Variants in NCOA5 observed in about 807,000 individuals in gnomAD.
NCOA5 encodes nuclear receptor coactivator 5, also known as NCoA-5.
NCOA5 carries 12 observed loss-of-function variants against 59.0 expected under a neutral mutation model. That is an observed-to-expected ratio of 0.20 (90% CI 0.13 to 0.33). The LOEUF (loss-of-function observed/expected upper bound fraction) is 0.33, where lower values mean the gene tolerates loss of function less well. NCOA5 is among the 10% of genes least tolerant of loss of function. The pLI is 1.00. For missense variants in NCOA5, 655 were observed against 766.6 expected, an observed-to-expected ratio of 0.85 and a Z score of 1.72; for synonymous variants, 270 against 275.5, an observed-to-expected ratio of 0.98 and a Z score of 0.20.
At chr20:46,062,964 A>G (rs1180114898) in intron 7 of NCOA5, 75 bp from the exon 8 acceptor site, 1 of 1,224,696 alleles carries the variant, frequency 8.2e-7, no homozygotes, top group African/African-American at 1.5e-5. Flanking sequence ...CAAAGGAAGA[A>G]CAACAATCAC....
At position 46,061,065 on chromosome 20, in the gene NCOA5, C is replaced by A. The variant is rs1377658229; in HGVS notation, c.*1235G>T. 6.6e-6 allele frequency: 1 copy of A among 151,708 alleles called. No homozygotes were observed. The highest frequency in any genetic ancestry group is 2.4e-5 in the African/African-American group (1 of 41,264). The allele number at this position is 151,708 out of a possible 1,614,324, so 9.4% of individuals were successfully genotyped here. On this transcript the variant is annotated 3_prime_UTR_variant, in exon 8 of 8. Coordinates refer to ENST00000290231, the MANE Select transcript of NCOA5 (RefSeq NM_020967.3). ...AGAGTTCCAAAGAGGAAAAAAAAAA[C>A]CACTATATAACACAAACAGGTCAGA...
intron 2 of NCOA5, among the ~76,000 whole-genome samples, chr20:46,077,086 T>C (rs1270807304): frequency 6.6e-6 from 1 of 152,090 alleles, no homozygotes; most frequent in African/African-American, 2.4e-5. Flanking sequence ...CCCGGCTATT[T>C]TTTTGTAGAG....
intron 3 of NCOA5, among the ~76,000 whole-genome samples, chr20:46,068,900 C>T (rs1251183190): frequency 6.6e-6 from 1 of 152,114 alleles, no homozygotes; most frequent in Non-Finnish European, 1.5e-5. Flanking sequence ...CATGTCCCTC[C>T]CTTGTGCTTT....
At position 46,062,744 on chromosome 20, in the gene NCOA5, C is replaced by A; in HGVS notation, c.1296G>T (p.Gln432His). Residue 432 changes from glutamine (Q) to histidine (H), a missense_variant, in exon 8 of 8, where the codon CAG (glutamine) becomes CAT (histidine). Physicochemically the swap from Gln to His is conservative, Grantham distance 24. Around this residue, in one of 3 missense-constraint regions of NCOA5, gnomAD observed 325 missense variants for 353.2 expected, o/e 0.92. Transcript: ENST00000290231. ...TATTGAAGAGGCTGAGGATTTTGGC[C>A]TGAAGCTCTTGCTGGGAGGTGGGGG... ...SAPPTSQQEL[Q>H]AKILSLFNSG... 6.2e-7 allele frequency: 1 copy of A among 1,611,944 alleles called. No homozygotes were observed. The highest frequency in any genetic ancestry group is 8.5e-7 in the Non-Finnish European group (1 of 1,178,468).
chr20:46,083,246 A>T (rs1487397630), intron 1 of NCOA5, among the ~76,000 whole-genome samples: 1 of 152,190 alleles, frequency 6.6e-6, no homozygotes, highest in Non-Finnish European at 1.5e-5. Context: ...TCTTTTCCTG[A>T]CGTTCTGCGA....
chr20:46,088,747 T>C (rs2085068796), intron 1 of NCOA5, among the ~76,000 whole-genome samples: 1 of 152,214 alleles, frequency 6.6e-6, no homozygotes, highest in South Asian at 2.1e-4. Flanking sequence ...AGGGCATTCA[T>C]AGAATCTGCT....
chr20:46,078,724 G>A (rs1179258443), intron 2 of NCOA5, among the ~76,000 whole-genome samples: 1 of 152,070 alleles, frequency 6.6e-6, no homozygotes, highest in African/African-American at 2.4e-5. Context: ...TTCTTTGAGA[G>A]GAGGGACCAA....
chr20:46,065,578 C>G (rs866496697), intron 5 of NCOA5, among the ~76,000 whole-genome samples: 1 of 152,138 alleles, frequency 6.6e-6, no homozygotes, highest in Non-Finnish European at 1.5e-5. Flanking sequence ...ATGGGTTTAA[C>G]GCTAGAAACA....
At chr20:46,078,300 T>C (rs1462766025) in intron 2 of NCOA5, among the ~76,000 whole-genome samples, 1 of 152,254 alleles carries the variant, frequency 6.6e-6, no homozygotes, top group Admixed American at 6.5e-5. Context: ...CATTCTTTCA[T>C]ATAAGCAGGT....
chr20:46,070,382 G>C lies in NCOA5; in HGVS notation c.193C>G (p.His65Asp). ...CTGTGATCCCGCAAATCTCTACTAT[G>C]TCTGTGGTCCCGCAAGTCTCGGGGG... The part of the protein sequence containing the change: ...RDPRDLRDHR[H>D]SRDLRDHRDS... Residue 65 changes from histidine to aspartate, a missense_variant, in exon 3 of 8, where the codon CAT (histidine) becomes GAT (aspartate). This residue lies in a region of NCOA5 where 250 missense variants were observed against 260.1 expected (regional missense o/e 0.96). Coordinates refer to ENST00000290231, the MANE Select transcript of NCOA5 (RefSeq NM_020967.3). The C allele has an allele frequency of 6.2e-7, 1 of 1,613,308 alleles. No individual in the cohort carries two copies. The highest frequency in any genetic ancestry group is 2.2e-5 in the East Asian group (1 of 44,824).
intron 2 of NCOA5, among the ~76,000 whole-genome samples, chr20:46,078,909 T>C (rs2084965752): frequency 1.3e-5 from 2 of 152,204 alleles, no homozygotes; most frequent in African/African-American, 4.8e-5. Context: ...CCCAAGTATG[T>C]AAGCAAACAG....
intron 5 of NCOA5, among the ~76,000 whole-genome samples, chr20:46,066,784 C>G (rs2084828556): frequency 6.6e-6 from 1 of 152,212 alleles, no homozygotes; most frequent in Admixed American, 6.5e-5. Context: ...TGCTTAGAGA[C>G]TAACACAGAG....
In NCOA5 at chr20:46,063,557, T is replaced by C. The variant is rs773135131; in HGVS notation, c.953A>G (p.Asp318Gly). The C allele has an allele frequency of 5.0e-6, 8 of 1,614,104 alleles. No individual in the cohort carries two copies. Among genetic ancestry groups the C allele is most frequent in the African/African-American group, 1.3e-5 (1 of 74,942 alleles). Residue 318 changes from aspartate (D) to glycine (G), a missense_variant, in exon 7 of 8, where the codon GAT becomes GGT. Physicochemically the swap from Asp to Gly is moderately conservative, Grantham distance 94 (BLOSUM62 -1). Transcript: ENST00000290231. ...EIARQAAKMADEAILQERERG... is the reference protein window; with the variant it reads ...EIARQAAKMAGEAILQERERG... ...CTCTCTTTCCTGCAGGATGGCTTCA[T>C]CGGCCATCTTGGCTGCCTGTCTGGC...
Position 46,065,234 on chromosome 20 carries a change from AAAAT to A in NCOA5, c.630-10_630-7del, listed in dbSNP as rs746293216. ...CCACAGACTCAGCATAGTCTCTGTAAAAATAAATAAGATCCAGGTGAGCGACCAA... is the reference window on the plus strand; with the variant it reads ...CCACAGACTCAGCATAGTCTCTGTAAAAATAAGATCCAGGTGAGCGACCAA... On this transcript the variant is annotated splice_polypyrimidine_tract_variant and splice_region_variant and intron_variant, in intron 5 of 7. Transcript: ENST00000290231. 1.9e-6 allele frequency: 3 copies of A among 1,614,108 alleles called. No homozygotes were observed. The highest frequency in any genetic ancestry group is 2.5e-6 in the Non-Finnish European group (3 of 1,179,990).
chr20:46,061,985 T>C lies in NCOA5; in HGVS notation c.*315A>G, dbSNP rs1296716161. ...CATTCCAAACTTGGCTAGCTGGGCC[T>C]GGCTCCAAATCCAGTAGAAACAGGG... On this transcript the variant is annotated 3_prime_UTR_variant, in exon 8 of 8. Coordinates refer to ENST00000290231, the MANE Select transcript of NCOA5 (RefSeq NM_020967.3). 2 of 218,652 alleles carry C rather than the reference T, an allele frequency of 9.1e-6. No individual in the cohort carries two copies. The highest frequency in any genetic ancestry group is 1.8e-5 in the Non-Finnish European group (2 of 109,604). The allele number at this position is 218,652 out of a possible 1,614,324, so 13.5% of individuals were successfully genotyped here. A position where few individuals can be genotyped will look rare whatever the true frequency, so the allele number is the denominator to read the frequency against.
At chr20:46,084,214 T>G (rs2085023357) in intron 1 of NCOA5, among the ~76,000 whole-genome samples, 1 of 152,200 alleles carries the variant, frequency 6.6e-6, no homozygotes, top group Non-Finnish European at 1.5e-5. Context: ...AATTTGAAGT[T>G]TAGAGAAATT....
intron 1 of NCOA5, among the ~76,000 whole-genome samples, chr20:46,083,918 G>A (rs566021049): frequency 6.6e-6 from 1 of 152,150 alleles, no homozygotes; most frequent in Non-Finnish European, 1.5e-5. Flanking sequence ...AGAATGTTAT[G>A]CTTGCTCTTT....
chr20:46,081,977 C>T (rs1465806452), intron 1 of NCOA5, among the ~76,000 whole-genome samples: 2 of 152,032 alleles, frequency 1.3e-5, no homozygotes, highest in Non-Finnish European at 2.9e-5. Context: ...GAACTAATCA[C>T]GGAGAGCAAA....
chr20:46,063,735 C>G, intron 6 of NCOA5, 55 bp from the exon 7 acceptor site: 1 of 1,516,984 alleles, frequency 6.6e-7, no homozygotes, highest in Non-Finnish European at 9.0e-7. Flanking sequence ...TAAGTGCCCA[C>G]CTGCTGCACT....
Sources: allele counts gnomAD v4.1 joint callset (sites outside exome capture counted in the v4.1 genomes callset), GRCh38; gene constraint gnomAD v4.1.1; regional missense constraint gnomAD v4.1.1; transcripts MANE v1.5; gene names NCBI Gene and HGNC (gene_info 2026-07-23, HGNC 2026-07-21).